Variants in ANO5 observed in about 807,000 individuals in gnomAD.
The protein encoded by ANO5 is anoctamin-5.
In ANO5, 109 loss-of-function variants were observed where a neutral mutation model predicts 121.0. That is an observed-to-expected ratio of 0.90 (90% confidence interval 0.77 to 1.06). ANO5 has a LOEUF of 1.06. ANO5 is among the 50% of genes least tolerant of loss of function. ANO5 has a pLI of 0.00. For missense variants in ANO5, 1,064 were observed against 1,078.5 expected (o/e 0.99, Z 0.19); for synonymous variants, 406 against 359.9 (o/e 1.13, Z -1.45).
At chr11:22,270,883 G>T (rs192069513) in intron 18 of ANO5, among the ~76,000 whole-genome samples, 1 of 152,224 alleles carries the variant, frequency 6.6e-6, no homozygotes, top group East Asian at 1.9e-4. Context: ...GGCTAAAAGC[G>T]ATTGTGTAAG....
At chr11:22,240,080 A>T (rs1853376821) in intron 9 of ANO5, among the ~76,000 whole-genome samples, 1 of 152,066 alleles carries the variant, frequency 6.6e-6, no homozygotes, top group Non-Finnish European at 1.5e-5. Flanking sequence ...ACTTTTTAGC[A>T]TAGGGGCTAA....
intron 10 of ANO5, 119 bp from the exon 11 acceptor site, chr11:22,250,622 C>T (rs1398046863): frequency 1.8e-6 from 2 of 1,123,464 alleles, no homozygotes; most frequent in South Asian, 1.3e-5. Context: ...GAAATTGCTG[C>T]TTGATTGCCC....
rs886048130 is a variant in ANO5, at chr11:22,280,860, G to A, written c.*1095G>A. 1 of 151,976 alleles carries A rather than the reference G, an allele frequency of 6.6e-6. No individual in the cohort carries two copies. The highest frequency in any genetic ancestry group is 1.9e-4 in the East Asian group (1 of 5,198). The allele number at this position is 151,976 out of a possible 1,614,324, so 9.4% of individuals were successfully genotyped here. A position where few individuals can be genotyped will look rare whatever the true frequency, so the allele number is the denominator to read the frequency against. On this transcript the variant is annotated 3_prime_UTR_variant, in exon 22 of 22. Transcript: ENST00000324559. ...TTGTTAGCTAGTGATTTGATGTGAT[G>A]TAACATCTTAAATGTAAGCTTGTCT...
intron 21 of ANO5, among the ~76,000 whole-genome samples, chr11:22,278,754 A>AT (rs1349503911): frequency 6.6e-6 from 1 of 151,120 alleles, no homozygotes; most frequent in African/African-American, 2.4e-5. Context: ...CAGAATAGTT[A>AT]TTTTTCCCAG....
rs985214199 is a variant in ANO5, at chr11:22,217,788, TGGGAGGA to T, written c.139-452_139-446del. 6.1e-3 allele frequency among the ~76,000 whole-genome samples: 916 copies of T among 150,320 alleles called. 9 individuals carry two copies. The highest frequency in any genetic ancestry group is 0.021 in the African/African-American group (860 of 41,094). ...ATGGGATCTTTTGGAGGGTGGAGGA[TGGGAGGA>T]GGGAGAGAAGCAGGAAAAATAACGA... On this transcript the variant is annotated intron_variant, in intron 3 of 21. Transcript: ENST00000324559.
intron 8 of ANO5, among the ~76,000 whole-genome samples, chr11:22,236,738 A>G (rs988965372): frequency 6.6e-6 from 1 of 152,210 alleles, no homozygotes; most frequent in Non-Finnish European, 1.5e-5. Context: ...GAACACAACC[A>G]TGAATCCAAG....
At position 22,226,012 on chromosome 11, in the gene ANO5, T is replaced by G; in HGVS notation, c.323T>G (p.Leu108Arg). 1 of 1,608,724 alleles carries G rather than the reference T, an allele frequency of 6.2e-7. No homozygotes were observed. Among genetic ancestry groups the G allele is most frequent in the Non-Finnish European group, 8.5e-7 (1 of 1,175,710 alleles). Residue 108 changes from leucine to arginine, a missense_variant, in exon 6 of 22, where the codon CTC becomes CGC. Physicochemically the swap from Leu to Arg is moderately radical, Grantham distance 102. Transcript: ENST00000324559. Reference sequence around the variant, plus strand: ...AGAAGAAAAGAGTTTGAAACTAATCTCAGAAAAACAGGTCTTGAGTTGGAA... The same window carrying G: ...AGAAGAAAAGAGTTTGAAACTAATCGCAGAAAAACAGGTCTTGAGTTGGAA... Reference protein sequence around the residue: ...AERRKEFETNLRKTGLELEIE... With the variant: ...AERRKEFETNRRKTGLELEIE...
intron 3 of ANO5, among the ~76,000 whole-genome samples, chr11:22,215,052 A>G (rs907409907): frequency 1.3e-5 from 2 of 152,030 alleles, no homozygotes; most frequent in Admixed American, 6.6e-5. Context: ...ATTATGCTTA[A>G]GAGAACCTAT....
chr11:22,202,244 T>TCAAAC (rs1851987811), intron 1 of ANO5, among the ~76,000 whole-genome samples: 2 of 152,218 alleles, frequency 1.3e-5, no homozygotes, highest in South Asian at 4.1e-4. Context: ...TTTTAACCAA[T>TCAAAC]GTACAGATCA....
At chr11:22,205,182 G>T (rs1326530927) in intron 2 of ANO5, among the ~76,000 whole-genome samples, 3 of 151,968 alleles carry the variant, frequency 2.0e-5, no homozygotes, top group African/African-American at 7.3e-5. Context: ...AACATCACAC[G>T]CTGGGGCCTT....
intron 2 of ANO5, 62 bp from the exon 3 acceptor site, chr11:22,211,202 A>G: frequency 6.4e-7 from 1 of 1,559,488 alleles, no homozygotes; most frequent in Admixed American, 1.7e-5. Flanking sequence ...GAAACTTAAA[A>G]GCACCCTTTG....
chr11:22,198,470 G>T (rs1036540397), intron 1 of ANO5, among the ~76,000 whole-genome samples: 1 of 152,146 alleles, frequency 6.6e-6, no homozygotes, highest in Non-Finnish European at 1.5e-5. Flanking sequence ...TAATCTGGGG[G>T]ATTCATATTG....
At chr11:22,249,543 T>C (rs1853729275) in intron 9 of ANO5, among the ~76,000 whole-genome samples, 1 of 152,102 alleles carries the variant, frequency 6.6e-6, no homozygotes, top group Non-Finnish European at 1.5e-5. Flanking sequence ...CTTTCTCTCA[T>C]TCCTAAATGG....
At chr11:22,279,068 A>C (rs1257845157) in intron 21 of ANO5, among the ~76,000 whole-genome samples, 1 of 151,688 alleles carries the variant, frequency 6.6e-6, no homozygotes, top group Non-Finnish European at 1.5e-5. Context: ...CCTTATGCAG[A>C]TTTGTATCTA....
intron 7 of ANO5, among the ~76,000 whole-genome samples, chr11:22,234,446 T>C (rs1590256961): frequency 6.6e-6 from 1 of 152,262 alleles, no homozygotes; most frequent in Admixed American, 6.5e-5. Context: ...AATTTGATAT[T>C]TGTTCTTGCT....
intron 3 of ANO5, among the ~76,000 whole-genome samples, chr11:22,216,474 T>C (rs1045083106): frequency 6.6e-6 from 1 of 151,902 alleles, no homozygotes; most frequent in African/African-American, 2.4e-5. Flanking sequence ...TTCATGGGCA[T>C]ATTGGACTTT....
At chr11:22,271,203 G>A (rs541263503) in intron 18 of ANO5, among the ~76,000 whole-genome samples, 2 of 152,206 alleles carry the variant, frequency 1.3e-5, no homozygotes, top group East Asian at 1.9e-4. Flanking sequence ...CTACAGGTGC[G>A]TGCCATCACG....
intron 7 of ANO5, among the ~76,000 whole-genome samples, chr11:22,227,824 A>G (rs1308496330): frequency 6.6e-6 from 1 of 152,150 alleles, no homozygotes; most frequent in Non-Finnish European, 1.5e-5. Flanking sequence ...TAGTAAAGAA[A>G]GAGATGTTAT....
chr11:22,255,074 T>G (rs1278105767), intron 12 of ANO5, among the ~76,000 whole-genome samples: 1 of 152,152 alleles, frequency 6.6e-6, no homozygotes, highest in Non-Finnish European at 1.5e-5. Context: ...AAAGCTAAGT[T>G]CAAATATTAC....
Sources: gnomAD v4.1 joint callset for allele counts (sites outside exome capture counted in the v4.1 genomes callset) on GRCh38, gnomAD v4.1.1 for gene constraint, MANE v1.5 for transcripts, NCBI Gene and HGNC (gene_info 2026-07-23, HGNC 2026-07-21) for gene names.